The following IL7 variants were observed in gnomAD, a reference collection of about 807,000 sequenced individuals.
IL7 encodes the protein interleukin-7.
A neutral mutation model predicts 21.6 loss-of-function variants in IL7; 3 were observed. The ratio of observed to expected loss-of-function variants is 0.14; its 90% CI spans 0.06 to 0.36. The LOEUF (loss-of-function observed/expected upper bound fraction) is 0.36, where lower values mean the gene tolerates loss of function less well. Among genes scored for constraint, IL7 ranks in the 10% least tolerant of loss-of-function variants. The pLI is 1.00. For synonymous variants in IL7, 62 were observed against 68.1 expected, an observed-to-expected ratio of 0.91 and a Z score of 0.44; for missense variants, 175 against 200.2, an observed-to-expected ratio of 0.87 and a Z score of 0.76.
chr8:78,678,430 T>A, intron 4 of IL7: 1 of 665,082 alleles, frequency 1.5e-6, no homozygotes, highest in Non-Finnish European at 2.6e-6. Flanking sequence ...GTGTATCTTA[T>A]TTATTTATTA....
At chr8:78,742,646 T>C (rs1344470949) in intron 2 of IL7, among the ~76,000 whole-genome samples, 3 of 152,238 alleles carry the variant, frequency 2.0e-5, no homozygotes, top group Non-Finnish European at 2.9e-5. Flanking sequence ...TTTATCTTTA[T>C]GGTGAATTTT....
At chr8:78,752,731 C>G (rs1812215965) in intron 2 of IL7, among the ~76,000 whole-genome samples, 1 of 152,072 alleles carries the variant, frequency 6.6e-6, no homozygotes, top group Admixed American at 6.6e-5. Flanking sequence ...TCTCTTAATG[C>G]TATCTCTCCC....
At chr8:78,719,531 A>G (rs1402854517) in intron 5 of IL7, 5 of 151,830 alleles carry the variant, frequency 3.3e-5, no homozygotes, top group African/African-American at 4.8e-5. Context: ...AAATCTTCCT[A>G]TGCATCATGT....
At chr8:78,799,479 G>T (rs1813978056) in intron 1 of IL7, among the ~76,000 whole-genome samples, 1 of 151,974 alleles carries the variant, frequency 6.6e-6, no homozygotes, top group Non-Finnish European at 1.5e-5. Flanking sequence ...CATAGTAAGA[G>T]AAACAAAAAT....
intron 2 of IL7, among the ~76,000 whole-genome samples, chr8:78,744,833 C>T (rs929499364): frequency 4.6e-5 from 7 of 152,270 alleles, no homozygotes; most frequent in East Asian, 1.9e-4. Context: ...TCTCCCAACT[C>T]GAGGTTGCAA....
chr8:78,692,783 C>A (rs1000981612), intron 3 of IL7, among the ~76,000 whole-genome samples: 1 of 152,006 alleles, frequency 6.6e-6, no homozygotes, highest in Non-Finnish European at 1.5e-5. Flanking sequence ...ACACAACGTG[C>A]AGGTTTGTTA....
At chr8:78,698,213 T>C (rs959620943) in intron 3 of IL7, among the ~76,000 whole-genome samples, 3 of 152,174 alleles carry the variant, frequency 2.0e-5, no homozygotes, top group Non-Finnish European at 2.9e-5. Context: ...TATATATCAA[T>C]TATAAGAGGG....
intron 4 of IL7, among the ~76,000 whole-genome samples, chr8:78,676,863 A>G (rs896839242): frequency 3.3e-5 from 5 of 152,030 alleles, no homozygotes; most frequent in Non-Finnish European, 7.4e-5. Flanking sequence ...TATTTAACTT[A>G]ATGATGTTAT....
chr8:78,773,509 C>G (rs1033109516), intron 2 of IL7, among the ~76,000 whole-genome samples: 5 of 151,964 alleles, frequency 3.3e-5, no homozygotes, highest in Non-Finnish European at 7.4e-5. Context: ...CACTGAGGTA[C>G]AAAAATGTGG....
chr8:78,704,969 A>G (rs1049117160), intron 3 of IL7, among the ~76,000 whole-genome samples: 1 of 152,170 alleles, frequency 6.6e-6, no homozygotes, highest in African/African-American at 2.4e-5. Context: ...GTTCTTCTCT[A>G]TACTGGCTAT....
chr8:78,799,436 A>G (rs1240071591), intron 1 of IL7, among the ~76,000 whole-genome samples: 4 of 152,314 alleles, frequency 2.6e-5, no homozygotes, highest in East Asian at 1.9e-4. Flanking sequence ...GAAAACAAAC[A>G]TAAATCTAAC....
chr8:78,787,612 GAA>G (rs1813555278), intron 2 of IL7, among the ~76,000 whole-genome samples: 2 of 152,262 alleles, frequency 1.3e-5, no homozygotes, highest in African/African-American at 4.8e-5. Context: ...CCTGCATGAG[GAA>G]AGAGTGCTCA....
At chr8:78,788,731 A>G (rs976394614) in intron 2 of IL7, among the ~76,000 whole-genome samples, 1 of 152,186 alleles carries the variant, frequency 6.6e-6, no homozygotes, top group Non-Finnish European at 1.5e-5. Flanking sequence ...ATAACTGTCA[A>G]TTAGATCCAG....
chr8:78,737,979 G>A (rs1389250436), intron 4 of IL7, among the ~76,000 whole-genome samples: 1 of 151,930 alleles, frequency 6.6e-6, no homozygotes, highest in Non-Finnish European at 1.5e-5. Context: ...TTCCATATTT[G>A]GTTTTGTTGT....
At chr8:78,744,298 T>C (rs1811899818) in intron 2 of IL7, among the ~76,000 whole-genome samples, 1 of 152,004 alleles carries the variant, frequency 6.6e-6, no homozygotes, top group Non-Finnish European at 1.5e-5. Flanking sequence ...CTGGAGGCCC[T>C]GGTTGGGAGG....
chr8:78,801,660 T>C (rs1000536923), intron 1 of IL7, among the ~76,000 whole-genome samples: 1 of 152,218 alleles, frequency 6.6e-6, no homozygotes, highest in African/African-American at 2.4e-5. Context: ...TAAGGTCACT[T>C]ACCTGATTTC....
downstream of IL7, among the ~76,000 whole-genome samples, chr8:78,714,807 A>C (rs1811048672): frequency 2.0e-5 from 3 of 152,186 alleles, no homozygotes; most frequent in South Asian, 6.2e-4. Context: ...ACTAGCAAAA[A>C]AATTCTTTTT....
At chr8:78,706,164 C>T (rs560674885) in intron 3 of IL7, among the ~76,000 whole-genome samples, 2 of 152,292 alleles carry the variant, frequency 1.3e-5, no homozygotes, top group South Asian at 4.2e-4. Flanking sequence ...CTGGGAGTTC[C>T]ATCCCAGGTA....
intron 1 of IL7, among the ~76,000 whole-genome samples, chr8:78,802,308 T>C (rs1315295588): frequency 6.6e-6 from 1 of 152,210 alleles, no homozygotes; most frequent in Non-Finnish European, 1.5e-5. Flanking sequence ...TTTTCACTGA[T>C]AATTTAATTC....
Sources: gnomAD v4.1 joint callset for allele counts (sites outside exome capture counted in the v4.1 genomes callset) on GRCh38, gnomAD v4.1.1 for gene constraint, MANE v1.5 for transcripts, NCBI Gene and HGNC (gene_info 2026-07-23, HGNC 2026-07-21) for gene names.